Variants in KCP observed in about 807,000 individuals in gnomAD.
The protein encoded by KCP is kielin/chordin-like protein.
KCP carries 194 observed loss-of-function variants against 212.7 expected under a neutral mutation model. The observed-to-expected ratio is 0.91, with a 90% confidence interval of 0.81 to 1.03. The LOEUF (loss-of-function observed/expected upper bound fraction) is 1.03, where lower values mean the gene tolerates loss of function less well. Among genes scored for constraint, KCP ranks in the 50% least tolerant of loss-of-function variants. KCP has a pLI of 0.00. For missense variants in KCP, 2,080 were observed against 2,162.5 expected (o/e 0.96, Z 0.76); for synonymous variants, 833 against 865.3 (o/e 0.96, Z 0.65).
In KCP at chr7:128,905,119, TG is replaced by T. The variant is rs1795059992; in HGVS notation, c.572-982del. On this transcript the variant is annotated intron_variant, in intron 5 of 39. Transcript: ENST00000610776. ...TCCAGGCTGCATTTCCAGACCCAAC[TG>T]GTCTGAGTCCTTGTCCCACCTTTCT... Among the ~76,000 whole-genome samples, 3 of 152,126 alleles carry T rather than the reference TG, an allele frequency of 2.0e-5. No homozygotes were observed. The South Asian group carries it at 6.2e-4, about 32-fold the overall frequency.
chr7:128,880,740 G>A lies in KCP; in HGVS notation c.3514-19C>T, dbSNP rs149156772. On this transcript the variant is annotated intron_variant, in intron 32 of 39. Coordinates refer to ENST00000610776, the MANE Select transcript of KCP (RefSeq NM_001366122.1). Reference sequence around the variant, plus strand: ...GGCCCCGCTGAGGACAGACATCATTGTTCTGGGGTTTTCTGCAGGGCCGGA... The same window carrying A: ...GGCCCCGCTGAGGACAGACATCATTATTCTGGGGTTTTCTGCAGGGCCGGA... 1.4e-3 allele frequency: 563 copies of A among 411,984 alleles called. 5 individuals carry two copies. In the East Asian group the frequency reaches 0.02, roughly 14 times the overall value. 25.5% of individuals were successfully genotyped at this position (411,984 alleles called of 1,614,324 possible). A position where few individuals can be genotyped will look rare whatever the true frequency, so the allele number is the denominator to read the frequency against.
intron 21 of KCP, 55 bp downstream of exon 21, chr7:128,890,288 A>G: frequency 6.4e-7 from 1 of 1,551,390 alleles, no homozygotes; most frequent in African/African-American, 1.4e-5. Context: ...ATTCTGACCC[A>G]GCCCTCTGGT....
At chr7:128,905,868 C>T (rs1448582502) in intron 5 of KCP, among the ~76,000 whole-genome samples, 1 of 152,034 alleles carries the variant, frequency 6.6e-6, no homozygotes, top group Non-Finnish European at 1.5e-5. Context: ...TCAAAGGACC[C>T]ATTGTCTGTA....
At chr7:128,910,112 G>T (rs1001306233) in intron 1 of KCP, among the ~76,000 whole-genome samples, 2 of 152,234 alleles carry the variant, frequency 1.3e-5, no homozygotes, top group East Asian at 3.9e-4. Flanking sequence ...GGCCAGCCTC[G>T]CCTGGAGAGA....
chr7:128,903,152 T>C (rs547462920), intron 7 of KCP: 24 of 477,298 alleles, frequency 5.0e-5, no homozygotes, highest in Admixed American at 1.5e-4. Context: ...CCAGCCAACA[T>C]TGCACACTCA....
chr7:128,882,437 G>T (rs983574103), intron 29 of KCP, among the ~76,000 whole-genome samples: 1 of 152,184 alleles, frequency 6.6e-6, no homozygotes, highest in African/African-American at 2.4e-5. Flanking sequence ...TATTAGGTTG[G>T]ATTAATCCAC....
rs1175716447 is a variant in KCP, at chr7:128,903,773, G to A, written c.702C>T (p.Cys234=). ...GCCCAGGCCTCAGCACTGGCTCTGG[G>A]CAGGGGCTAGGCGGGCACTTCAGGG... ...CMALKCPPSP[C]PEPVLRPGHC... Residue 234 remains cysteine, a synonymous_variant, in exon 7 of 40, where the codon TGC becomes TGT. Coordinates refer to ENST00000610776, the MANE Select transcript of KCP (RefSeq NM_001366122.1). 1.3e-6 allele frequency: 2 copies of A among 1,551,416 alleles called. No homozygotes were observed. The highest frequency in any genetic ancestry group is 1.2e-5 in the South Asian group (1 of 84,054).
intron 16 of KCP, 29 bp from the exon 17 acceptor site, chr7:128,891,848 G>C (rs1158202596): frequency 1.4e-6 from 2 of 1,422,508 alleles, no homozygotes; most frequent in East Asian, 2.6e-5. Context: ...GGGCAGGTAT[G>C]AGGGCAAAGC....
At chr7:128,893,042 C>A (rs1444254276) in intron 13 of KCP, 21 bp from the exon 14 acceptor site, 2 of 880,484 alleles carry the variant, frequency 2.3e-6, no homozygotes, top group Non-Finnish European at 3.7e-6. Context: ...GGGGCTGTCA[C>A]ATGGCAGCCT....
intron 8 of KCP, among the ~76,000 whole-genome samples, chr7:128,899,139 A>C (rs1478880829): frequency 6.6e-6 from 1 of 152,194 alleles, no homozygotes; most frequent in East Asian, 1.9e-4. Flanking sequence ...TATTTGTATA[A>C]ATGTGTTACT....
intron 1 of KCP, among the ~76,000 whole-genome samples, chr7:128,910,360 ACT>A (rs2128951647): frequency 6.6e-6 from 1 of 151,476 alleles, no homozygotes; most frequent in African/African-American, 2.4e-5. Flanking sequence ...GGGCAGCCGC[ACT>A]CTCTCCCGCC....
chr7:128,891,108 C>G lies in KCP; in HGVS notation c.1973-12G>C, dbSNP rs764450578. ...GGGGGCTGGGGCGGCTGCGGCGAGA[C>G]AGCGCATCAAAGGGGCCCAGGAACA... is the stretch of plus-strand genomic sequence containing the variant. On this transcript the variant is annotated splice_polypyrimidine_tract_variant and intron_variant, in intron 19 of 39. Transcript: ENST00000610776. 3 of 1,473,810 alleles carry G rather than the reference C, an allele frequency of 2.0e-6. No homozygotes were observed. The South Asian group carries it at 3.9e-5, about 19-fold the overall frequency. The allele number at this position is 1,473,810 out of a possible 1,614,324, so 91.3% of individuals were successfully genotyped here.
chr7:128,895,785 C>G (rs1794482510), intron 8 of KCP, among the ~76,000 whole-genome samples: 1 of 152,184 alleles, frequency 6.6e-6, no homozygotes, highest in Admixed American at 6.5e-5. Flanking sequence ...TTACAAATGC[C>G]ATGGCAATGT....
intron 37 of KCP, chr7:128,879,193 C>G (rs373355068): frequency 1.5e-5 from 6 of 412,176 alleles, no homozygotes; most frequent in Admixed American, 7.7e-5. Context: ...AGACACCCCC[C>G]CAGGAGACTT....
Position 128,892,724 on chromosome 7 carries a change from C to T in KCP, c.1491G>A (p.Thr497=), listed in dbSNP as rs1162436766. ...SQVYANGQNF[T]DADSPCHACH... ...AGGCATGGCAAGGGCTGTCTGCATC[C>T]GTGAAGTTCTGCCCATTGGCATACA... Residue 497 remains threonine (T), a synonymous_variant, in exon 15 of 40, where the codon ACG becomes ACA. Transcript: ENST00000610776. 24 of 1,551,590 alleles carry T rather than the reference C, an allele frequency of 1.5e-5. No homozygotes were observed. The highest frequency in any genetic ancestry group is 8.3e-5 in the South Asian group (7 of 84,070).
rs1407506128 is a variant in KCP at position 128,885,182 on chromosome 7, G to A, written c.2955C>T (p.Gly985=). The change falls in exon 27 of 40, where the codon GGC becomes GGT. Residue 985 remains glycine (G), a synonymous_variant. Transcript: ENST00000610776. ...SACSSCVCHE[G]VVTCARIQCI... ...ACTGGATGCGTGCACAGGTGACGAC[G>A]CCCTCGTGACACACACAGGAGGAGC... The A allele has an allele frequency of 6.4e-6, 10 of 1,550,708 alleles. No homozygotes were observed. The highest frequency in any genetic ancestry group is 2.4e-5 in the East Asian group (1 of 40,936).
intron 23 of KCP, 31 bp from the exon 24 acceptor site, chr7:128,886,997 C>G: frequency 8.5e-7 from 1 of 1,181,188 alleles, no homozygotes; most frequent in Non-Finnish European, 1.2e-6. Flanking sequence ...ACACCCTCAA[C>G]TGGACTGCAC....
At chr7:128,890,072 C>A in intron 21 of KCP, 1 of 492,588 alleles carries the variant, frequency 2.0e-6, no homozygotes, top group Non-Finnish European at 3.7e-6. Context: ...ACAAGAGGCA[C>A]CACGACCAGC....
At chr7:128,881,383 C>T (rs12673737) in intron 31 of KCP, among the ~76,000 whole-genome samples, 50,717 of 152,044 alleles carry the variant, frequency 0.33, 9,568 homozygotes, top group East Asian at 0.51. Flanking sequence ...ATCCTGAGCC[C>T]CCTGACAGGC....
Sources: allele counts gnomAD v4.1 joint callset (sites outside exome capture counted in the v4.1 genomes callset), GRCh38; gene constraint gnomAD v4.1.1; transcripts MANE v1.5; gene names NCBI Gene and HGNC (gene_info 2026-07-23, HGNC 2026-07-21).